DKK2: variants seen among roughly 807,000 people sequenced by gnomAD.
The protein encoded by DKK2 is dickkopf-related protein 2.
A neutral mutation model predicts 28.1 loss-of-function variants in DKK2; 11 were observed. That is an observed-to-expected ratio of 0.39 (90% CI 0.25 to 0.65). The LOEUF is 0.65. DKK2 is among the 30% of genes least tolerant of loss of function. DKK2 has a pLI of 0.47. For missense variants in DKK2, 326 were observed against 335.5 expected (o/e 0.97, Z 0.22); for synonymous variants, 135 against 126.5 (o/e 1.07, Z -0.45).
rs575742880 is a variant in DKK2, at chr4:107,024,287, A to G, written c.222+11083T>C. Among the ~76,000 whole-genome samples, 55 of 152,296 alleles carry G rather than the reference A, an allele frequency of 3.6e-4. No individual in the cohort carries two copies. The South Asian group carries it at 0.011, about 32-fold the overall frequency. The stretch of plus-strand genomic sequence containing the variant: ...TCCCAGGCATGACAGAAAAAAATAA[A>G]GACATAGGGCTCTTCTTGAATAGAC... On this transcript the variant is annotated intron_variant, in intron 1 of 3. Coordinates refer to ENST00000285311, the MANE Select transcript of DKK2 (RefSeq NM_014421.3).
At chr4:107,002,574 A>G (rs560553381) in intron 1 of DKK2, among the ~76,000 whole-genome samples, 1 of 152,272 alleles carries the variant, frequency 6.6e-6, no homozygotes, top group South Asian at 2.1e-4. Context: ...TTTTACTGCC[A>G]AAAAGACAGT....
At chr4:106,930,662 C>T (rs1578345742) in intron 1 of DKK2, among the ~76,000 whole-genome samples, 1 of 152,090 alleles carries the variant, frequency 6.6e-6, no homozygotes, top group East Asian at 1.9e-4. Context: ...TTGTTTTAAT[C>T]GGGACAATCC....
At chr4:106,940,229 C>G (rs1447757878) in intron 1 of DKK2, among the ~76,000 whole-genome samples, 1 of 152,134 alleles carries the variant, frequency 6.6e-6, no homozygotes, top group East Asian at 1.9e-4. Flanking sequence ...GGGCTAATAT[C>G]CAGAATCTAC....
At chr4:106,956,539 G>T (rs1196705007) in intron 1 of DKK2, among the ~76,000 whole-genome samples, 2 of 152,210 alleles carry the variant, frequency 1.3e-5, no homozygotes, top group East Asian at 1.9e-4. Flanking sequence ...GCATGGTATT[G>T]TTACCAAAAC....
chr4:106,962,550 T>A (rs970627313), intron 1 of DKK2, among the ~76,000 whole-genome samples: 11 of 119,902 alleles, frequency 9.2e-5, no homozygotes, highest in East Asian at 7.8e-4. Flanking sequence ...TGTGTGTGTG[T>A]GTGAATGCAG....
At chr4:106,940,961 G>C (rs1054790418) in intron 1 of DKK2, among the ~76,000 whole-genome samples, 5 of 152,050 alleles carry the variant, frequency 3.3e-5, no homozygotes, top group Non-Finnish European at 5.9e-5. Context: ...ACTGTTGTGT[G>C]GTGGGGTGAG....
intron 1 of DKK2, among the ~76,000 whole-genome samples, chr4:106,948,549 GA>G (rs1352019462): frequency 6.6e-6 from 1 of 152,156 alleles, no homozygotes; most frequent in East Asian, 1.9e-4. Flanking sequence ...ACATGTAGGT[GA>G]AAAGAGTTTG....
At chr4:107,018,511 A>G (rs1578380299) in intron 1 of DKK2, among the ~76,000 whole-genome samples, 1 of 152,102 alleles carries the variant, frequency 6.6e-6, no homozygotes, top group East Asian at 1.9e-4. Flanking sequence ...CAAGTAGGGT[A>G]TATTGCTAGC....
chr4:106,937,317 C>G (rs1303019144), intron 1 of DKK2, among the ~76,000 whole-genome samples: 1 of 135,290 alleles, frequency 7.4e-6, no homozygotes, highest in African/African-American at 2.8e-5. Flanking sequence ...GGTTGCAATC[C>G]TAGTCTCTGA....
At chr4:107,029,214 AG>A (rs1162633819) in intron 1 of DKK2, among the ~76,000 whole-genome samples, 10 of 152,296 alleles carry the variant, frequency 6.6e-5, no homozygotes, top group African/African-American at 2.2e-4. Context: ...GAGAAGAGTA[AG>A]GGTTCATGTT....
At chr4:106,976,964 G>A (rs943992657) in intron 1 of DKK2, among the ~76,000 whole-genome samples, 1 of 152,118 alleles carries the variant, frequency 6.6e-6, no homozygotes, top group Non-Finnish European at 1.5e-5. Flanking sequence ...GCATTTGCTT[G>A]TCTGTAAGGA....
At chr4:106,936,160 ATTAC>A (rs1343323549) in intron 1 of DKK2, among the ~76,000 whole-genome samples, 1 of 152,148 alleles carries the variant, frequency 6.6e-6, no homozygotes, top group Non-Finnish European at 1.5e-5. Flanking sequence ...AGACGATCAA[ATTAC>A]TTTGAGCTAC....
intron 1 of DKK2, among the ~76,000 whole-genome samples, chr4:106,928,285 A>ATT (rs1258532300): frequency 1.3e-5 from 2 of 152,188 alleles, no homozygotes; most frequent in Non-Finnish European, 2.9e-5. Context: ...GTATATTAGA[A>ATT]AATACATAGT....
At position 106,922,969 on chromosome 4, in the gene DKK2, A is replaced by G. The variant is rs929817387; in HGVS notation, c.*985T>C. On this transcript the variant is annotated 3_prime_UTR_variant, in exon 4 of 4. Transcript: ENST00000285311. ...ATTACCACAGAGTATGTATGAATAC[A>G]TGTATTTACCAATCTAATTCTATCA... 1 of 152,194 alleles carries G rather than the reference A, an allele frequency of 6.6e-6. No homozygotes were observed. Among genetic ancestry groups the G allele is most frequent in the East Asian group, 1.9e-4 (1 of 5,192 alleles). 9.4% of individuals were successfully genotyped at this position (152,194 alleles called of 1,614,324 possible).
At chr4:106,986,098 C>T (rs1723116332) in intron 1 of DKK2, among the ~76,000 whole-genome samples, 1 of 152,144 alleles carries the variant, frequency 6.6e-6, no homozygotes, top group Admixed American at 6.5e-5. Flanking sequence ...GTGTGCTGCA[C>T]ACAGTGTAAT....
At chr4:106,991,764 C>T (rs1447159978) in intron 1 of DKK2, among the ~76,000 whole-genome samples, 1 of 152,036 alleles carries the variant, frequency 6.6e-6, no homozygotes, top group Non-Finnish European at 1.5e-5. Flanking sequence ...ACCAAAATAC[C>T]ACTTTTAATT....
chr4:107,030,380 G>C (rs1415454523), intron 1 of DKK2, among the ~76,000 whole-genome samples: 1 of 151,924 alleles, frequency 6.6e-6, no homozygotes, highest in Non-Finnish European at 1.5e-5. Context: ...AAATCTTTCT[G>C]TGTAATCTTA....
At chr4:106,968,641 C>T (rs396196) in intron 1 of DKK2, among the ~76,000 whole-genome samples, 86,716 of 151,934 alleles carry the variant, frequency 0.57, 25,086 homozygotes, top group East Asian at 0.87. Context: ...TGACACAGTG[C>T]GCCTAACAGA....
At chr4:107,008,099 T>C (rs1473859130) in intron 1 of DKK2, among the ~76,000 whole-genome samples, 1 of 152,046 alleles carries the variant, frequency 6.6e-6, no homozygotes, top group Non-Finnish European at 1.5e-5. Flanking sequence ...CAAAAGAAAA[T>C]AGAGAATTTC....
Sources: allele counts gnomAD v4.1 joint callset (sites outside exome capture counted in the v4.1 genomes callset), GRCh38; gene constraint gnomAD v4.1.1; transcripts MANE v1.5; gene names NCBI Gene and HGNC (gene_info 2026-07-23, HGNC 2026-07-21).